The following CCDC88C variants were observed in gnomAD, a reference collection of about 807,000 sequenced individuals.
The protein encoded by CCDC88C is coiled-coil and HOOK domain protein 88C.
Under a neutral mutation model 198.8 loss-of-function variants are expected in CCDC88C, and 131 were observed. That is an observed-to-expected ratio of 0.66 (90% CI 0.57 to 0.76). The LOEUF (loss-of-function observed/expected upper bound fraction) is 0.76, where lower values mean the gene tolerates loss of function less well. CCDC88C is among the 30% of genes least tolerant of loss of function. CCDC88C has a pLI of 0.00. For missense variants in CCDC88C, 2,553 were observed against 2,631.6 expected (o/e 0.97, Z 0.65); for synonymous variants, 1,166 against 1,114.7 (o/e 1.05, Z -0.92).
At chr14:91,417,400 C>G in intron 1 of CCDC88C, 1 of 572,648 alleles carries the variant, frequency 1.7e-6, no homozygotes, top group Non-Finnish European at 3.1e-6. Flanking sequence ...CTGGCCCGGC[C>G]GAAAGCGCGG....
Position 91,313,328 on chromosome 14 carries a change from G to C in CCDC88C, c.2488C>G (p.Leu830Val). 2 of 1,613,392 alleles carry C rather than the reference G, an allele frequency of 1.2e-6. No homozygotes were observed. The highest frequency in any genetic ancestry group is 1.7e-6 in the Non-Finnish European group (2 of 1,179,904). The change falls in exon 15 of 30, where the codon CTC becomes GTC. Residue 830 changes from leucine to valine, a missense_variant. This residue lies in a region of CCDC88C where 1,260 missense variants were observed against 1,412.0 expected (regional missense o/e 0.89). Coordinates refer to ENST00000389857, the MANE Select transcript of CCDC88C (RefSeq NM_001080414.4). The surrounding 1 kb of genome is among the most constrained non-coding windows in gnomAD (Gnocchi z 5.2). Reference sequence around the variant, plus strand: ...TCCAGCAGCTTCTTATCCTTCTCGAGCTGGGCCACCTCCTGCTCCAGGGCC... The same window carrying C: ...TCCAGCAGCTTCTTATCCTTCTCGACCTGGGCCACCTCCTGCTCCAGGGCC... Reference protein sequence around the residue: ...RKALEQEVAQLEKDKKLLEKE... With the variant: ...RKALEQEVAQVEKDKKLLEKE...
intron 3 of CCDC88C, among the ~76,000 whole-genome samples, chr14:91,364,525 C>T (rs1474883374): frequency 6.6e-6 from 1 of 152,092 alleles, no homozygotes; most frequent in African/African-American, 2.4e-5. Flanking sequence ...CTGAAAAGCG[C>T]TTTGTAATCT....
intron 3 of CCDC88C, among the ~76,000 whole-genome samples, chr14:91,407,977 A>G (rs888962248): frequency 6.6e-6 from 1 of 152,098 alleles, no homozygotes; most frequent in Non-Finnish European, 1.5e-5. Flanking sequence ...GTGGGGTTTC[A>G]TCGCGTTGGC....
chr14:91,342,591 C>A, intron 5 of CCDC88C, 128 bp from the exon 6 acceptor site: 1 of 692,640 alleles, frequency 1.4e-6, no homozygotes, highest in Admixed American at 2.0e-5. Flanking sequence ...TAACTAAGAA[C>A]GCTCTTGTCC....
At chr14:91,382,567 C>T (rs572054437) in intron 3 of CCDC88C, among the ~76,000 whole-genome samples, 33 of 152,314 alleles carry the variant, frequency 2.2e-4, no homozygotes, top group African/African-American at 7.7e-4. Flanking sequence ...CCTACAGACA[C>T]CATCTAGCAG....
Position 91,305,965 on chromosome 14 carries a change from T to G in CCDC88C, c.3196-39A>C, listed in dbSNP as rs10147712. 5,566 of 1,598,216 alleles carry G rather than the reference T, an allele frequency of 3.5e-3. 144 individuals are homozygous for G. In the African/African-American group the frequency reaches 0.062, roughly 18 times the overall value. On this transcript the variant is annotated intron_variant, in intron 18 of 29. Coordinates refer to ENST00000389857, the MANE Select transcript of CCDC88C (RefSeq NM_001080414.4). Reference sequence around the variant, plus strand: ...AGGCATGAGCGAATCAAACTCCAACTGGGTAAATGCTAACTGGCCACAGGT... The same window carrying G: ...AGGCATGAGCGAATCAAACTCCAACGGGGTAAATGCTAACTGGCCACAGGT...
At chr14:91,286,668 A>C (rs1399411268) in intron 25 of CCDC88C, among the ~76,000 whole-genome samples, 1 of 152,214 alleles carries the variant, frequency 6.6e-6, no homozygotes, top group Non-Finnish European at 1.5e-5. Flanking sequence ...AGAATAAGGG[A>C]CCAACTTATT....
At chr14:91,355,627 G>A (rs559679469) in intron 4 of CCDC88C, among the ~76,000 whole-genome samples, 4 of 152,302 alleles carry the variant, frequency 2.6e-5, no homozygotes, top group Admixed American at 1.3e-4. Context: ...CAGATGCTGA[G>A]GAGAGATTTC....
rs201809611 is a variant in CCDC88C, at chr14:91,313,688, G to C, written c.2128C>G (p.Arg710Gly). 1 of 1,611,596 alleles carries C rather than the reference G, an allele frequency of 6.2e-7. No individual in the cohort carries two copies. Among genetic ancestry groups the C allele is most frequent in the Non-Finnish European group, 8.5e-7 (1 of 1,179,870 alleles). Residue 710 changes from arginine (R) to glycine (G), a missense_variant, in exon 15 of 30, where the codon CGC (arginine) becomes GGC (glycine). By Grantham distance (125) the Arg-to-Gly change is moderately radical (BLOSUM62 -2). This residue lies in a region of CCDC88C where 1,260 missense variants were observed against 1,412.0 expected (regional missense o/e 0.89). Coordinates refer to ENST00000389857, the MANE Select transcript of CCDC88C (RefSeq NM_001080414.4). The surrounding 1 kb of genome is among the most constrained non-coding windows in gnomAD (Gnocchi z 5.2). ...AAGCGCATGGTCTCCACCAGCCTGC[G>C]CAGCTCCAGGTTCTCTGCGTCCAGC... ...KQLDAENLEL[R>G]RLVETMRFTS...
intron 13 of CCDC88C, among the ~76,000 whole-genome samples, chr14:91,319,702 C>T (rs960669401): frequency 1.3e-5 from 2 of 152,158 alleles, no homozygotes; most frequent in African/African-American, 4.8e-5. Context: ...ACACTACCAC[C>T]TCTAATCCCC....
intron 3 of CCDC88C, among the ~76,000 whole-genome samples, chr14:91,368,981 G>A (rs1209295516): frequency 1.3e-5 from 2 of 152,172 alleles, no homozygotes; most frequent in African/African-American, 4.8e-5. Context: ...CTTCCTCCCT[G>A]ACATTCATGC....
chr14:91,342,550 A>G, intron 5 of CCDC88C, 87 bp from the exon 6 acceptor site: 3 of 859,964 alleles, frequency 3.5e-6, no homozygotes, highest in Non-Finnish European at 5.8e-6. Flanking sequence ...ACAGTTTCAA[A>G]AGGAACCACC....
chr14:91,372,793 T>A (rs559265459), intron 3 of CCDC88C, among the ~76,000 whole-genome samples: 2 of 152,156 alleles, frequency 1.3e-5, no homozygotes, highest in Admixed American at 6.5e-5. Context: ...GGCCTCGGCA[T>A]CAAGCCCTGC....
At chr14:91,305,634 C>T in intron 19 of CCDC88C, 131 bp downstream of exon 19, 3 of 864,566 alleles carry the variant, frequency 3.5e-6, no homozygotes, top group Non-Finnish European at 5.1e-6. Context: ...TCTCTATTAA[C>T]AAAATCCCAA....
chr14:91,289,160 T>G lies in CCDC88C; in HGVS notation c.4386A>C (p.Ala1462=). 6.2e-7 allele frequency: 1 copy of G among 1,613,668 alleles called. No homozygotes were observed. The highest frequency in any genetic ancestry group is 8.5e-7 in the Non-Finnish European group (1 of 1,179,854). ...GCTCTTCTGCACAGTTGGAGCCCAGTGCGGGGGTGTCGGGGTTCTCGGCCT... is the reference window on the plus strand; with the variant it reads ...GCTCTTCTGCACAGTTGGAGCCCAGGGCGGGGGTGTCGGGGTTCTCGGCCT... The part of the protein sequence containing the change: ...RSQAENPDTP[A]LGSNCAEERD... The change falls in exon 25 of 30, where the codon GCA becomes GCC. Residue 1462 remains alanine (A), a synonymous_variant. Coordinates refer to ENST00000389857, the MANE Select transcript of CCDC88C (RefSeq NM_001080414.4).
At chr14:91,374,525 C>A (rs879352109) in intron 3 of CCDC88C, among the ~76,000 whole-genome samples, 2 of 152,162 alleles carry the variant, frequency 1.3e-5, no homozygotes, top group Non-Finnish European at 2.9e-5. Context: ...GAATCGTCAG[C>A]TGAACAAAAT....
At position 91,338,414 on chromosome 14, in the gene CCDC88C, G is replaced by A. The variant is rs190189341; in HGVS notation, c.891+75C>T. On this transcript the variant is annotated intron_variant, in intron 9 of 29. Coordinates refer to ENST00000389857, the MANE Select transcript of CCDC88C (RefSeq NM_001080414.4). This position sits in a 1 kb window ranked among gnomAD's most constrained non-coding sequence, Gnocchi z 4.8. ...TTAAAAGCGCTGCTGTTGAGCTCCTGACCCTCCAGGCCCCGTTACTGGACA... is the reference window on the plus strand; with the variant it reads ...TTAAAAGCGCTGCTGTTGAGCTCCTAACCCTCCAGGCCCCGTTACTGGACA... 5 of 1,315,956 alleles carry A rather than the reference G, an allele frequency of 3.8e-6. No individual in the cohort carries two copies. The Admixed American group carries it at 7.9e-5, about 21-fold the overall frequency. The allele number at this position is 1,315,956 out of a possible 1,614,324, so 81.5% of individuals were successfully genotyped here. A position where few individuals can be genotyped will look rare whatever the true frequency, so the allele number is the denominator to read the frequency against.
At chr14:91,384,236 A>C (rs1311042832) in intron 3 of CCDC88C, among the ~76,000 whole-genome samples, 44 of 150,028 alleles carry the variant, frequency 2.9e-4, no homozygotes, top group Admixed American at 2.9e-3. Flanking sequence ...TAGGAGTTCG[A>C]GACCAGCCTG....
chr14:91,376,061 T>C (rs1014618340), intron 3 of CCDC88C, among the ~76,000 whole-genome samples: 2 of 152,104 alleles, frequency 1.3e-5, no homozygotes, highest in African/African-American at 4.8e-5. Context: ...AGCCCAAATG[T>C]ATCTGCGGAG....
Sources: allele counts gnomAD v4.1 joint callset (sites outside exome capture counted in the v4.1 genomes callset), GRCh38; gene constraint gnomAD v4.1.1; regional missense constraint gnomAD v4.1.1; non-coding constraint Gnocchi (gnomAD v3.1); transcripts MANE v1.5; gene names NCBI Gene and HGNC (gene_info 2026-07-23, HGNC 2026-07-21).